DGKB: variants seen among roughly 807,000 people sequenced by gnomAD.
DGKB encodes 90 kDa diacylglycerol kinase.
In DGKB, 67 loss-of-function variants were observed where a neutral mutation model predicts 114.3. That is an observed-to-expected ratio of 0.59 (90% CI 0.48 to 0.72). The LOEUF (loss-of-function observed/expected upper bound fraction) is 0.72. DGKB is among the 30% of genes least tolerant of loss of function. The probability of loss-of-function intolerance (pLI) is 0.00; values close to 1 mark genes in which losing one functional copy is unlikely to be tolerated. For synonymous variants in DGKB, 398 were observed against 323.1 expected (o/e 1.23, Z -2.49); for missense variants, 907 against 975.2 (o/e 0.93, Z 0.93).
In DGKB at chr7:14,943,637, A is replaced by AACACACACACACACACACACAC. The variant is rs563726736; in HGVS notation, c.-188+31058_-188+31059insGTGTGTGTGTGTGTGTGTGTGT. On this transcript the variant is annotated intron_variant, in intron 1 of 4. Coordinates refer to the DGKB transcript ENST00000437998. ...TTTGTAATAACCAGTTTTGAAGTGA[A>AACACACACACACACACACACAC]ACACACACACACATATATATATCTC... 1.8e-3 allele frequency among the ~76,000 whole-genome samples: 272 copies of AACACACACACACACACACACAC among 151,574 alleles called. 5 individuals are homozygous for AACACACACACACACACACACAC. The highest frequency in any genetic ancestry group is 0.013 in the Admixed American group (191 of 15,104).
At chr7:14,227,362 A>G (rs1790967176) in intron 23 of DGKB, among the ~76,000 whole-genome samples, 1 of 152,096 alleles carries the variant, frequency 6.6e-6, no homozygotes, top group Non-Finnish European at 1.5e-5. Flanking sequence ...ATAGTGGCTA[A>G]TGTTTGAATT....
At chr7:14,452,754 T>C (rs991551946) in intron 21 of DGKB, among the ~76,000 whole-genome samples, 3 of 152,106 alleles carry the variant, frequency 2.0e-5, no homozygotes, top group Admixed American at 1.3e-4. Context: ...CAGAAATACC[T>C]TCTGAGAAAT....
chr7:14,880,309 T>G (rs1038962923), intron 1 of DGKB, among the ~76,000 whole-genome samples: 26 of 152,084 alleles, frequency 1.7e-4, no homozygotes, highest in Non-Finnish European at 3.5e-4. Flanking sequence ...AATACAAAAA[T>G]TAGCCAGGTA....
chr7:14,473,336 T>C (rs1469437051), intron 21 of DGKB, among the ~76,000 whole-genome samples: 3 of 152,110 alleles, frequency 2.0e-5, no homozygotes, highest in Non-Finnish European at 2.9e-5. Context: ...AGCTCCCACA[T>C]GGTGTTGAGC....
At chr7:14,408,699 C>A (rs1311318889) in intron 21 of DGKB, among the ~76,000 whole-genome samples, 1 of 151,904 alleles carries the variant, frequency 6.6e-6, no homozygotes, top group Admixed American at 6.6e-5. Context: ...ATAATGAATC[C>A]AAGCTTTAAA....
intron 21 of DGKB, among the ~76,000 whole-genome samples, chr7:14,466,254 C>G (rs765257080): frequency 2.5e-4 from 38 of 152,190 alleles, no homozygotes; most frequent in Admixed American, 1.2e-3. Flanking sequence ...AGCTTTGGAC[C>G]ATACTTAAAA....
At chr7:14,862,416 T>C (rs888839565) in intron 1 of DGKB, among the ~76,000 whole-genome samples, 1 of 152,108 alleles carries the variant, frequency 6.6e-6, no homozygotes, top group African/African-American at 2.4e-5. Flanking sequence ...GATTTTTAAG[T>C]GTTCTCTATA....
chr7:14,324,423 G>C (rs1467237636), intron 23 of DGKB, among the ~76,000 whole-genome samples: 1 of 148,582 alleles, frequency 6.7e-6, no homozygotes. Flanking sequence ...CTCCAGCCTG[G>C]GTGACAGAGT....
chr7:14,511,098 T>C (rs1177182240), intron 20 of DGKB, among the ~76,000 whole-genome samples: 2 of 152,208 alleles, frequency 1.3e-5, no homozygotes, highest in Non-Finnish European at 2.9e-5. Flanking sequence ...ACTGGCTTCA[T>C]CTTAAAGTCA....
At position 14,343,156 on chromosome 7, in the gene DGKB, T is replaced by TCC. The variant is rs1043589397; in HGVS notation, c.1926+2143_1926+2144dup. Among the ~76,000 whole-genome samples the TCC allele has an allele frequency of 1.1e-3, 39 of 36,434 alleles. 1 individual carries two copies. The highest frequency in any genetic ancestry group is 1.7e-3 in the Admixed American group (7 of 4,160). The allele number at this position is 36,434 out of a possible 152,430, so 23.9% of individuals were successfully genotyped here. On this transcript the variant is annotated intron_variant, in intron 22 of 25. Coordinates refer to ENST00000402815, the MANE Select transcript of DGKB (RefSeq NM_001350709.2). ...CAGAGAAGCAGATTTTGCCTAGCTA[T>TCC]CCACACACACACACACACACACACA...
At chr7:14,904,699 AG>A (rs1260411744), upstream of DGKB, among the ~76,000 whole-genome samples, 2 of 152,208 alleles carry the variant, frequency 1.3e-5, no homozygotes, top group Non-Finnish European at 2.9e-5. Flanking sequence ...AATAGCATCC[AG>A]AATTTTTTAA....
intron 24 of DGKB, 114 bp downstream of exon 24, chr7:14,177,917 C>G (rs1280635491): frequency 1.8e-6 from 2 of 1,108,646 alleles, no homozygotes; most frequent in Non-Finnish European, 2.5e-6. Flanking sequence ...GTATTAATAA[C>G]TGATTATTTG....
At chr7:14,621,216 G>A (rs1048029454) in intron 15 of DGKB, 162 bp downstream of exon 15, 4 of 549,284 alleles carry the variant, frequency 7.3e-6, no homozygotes, top group East Asian at 3.2e-5. Context: ...TCAATCAACC[G>A]TAAGACTGAC....
chr7:14,655,388 A>T (rs1291859918), intron 13 of DGKB, among the ~76,000 whole-genome samples: 6 of 151,882 alleles, frequency 4.0e-5, no homozygotes, highest in Non-Finnish European at 5.9e-5. Context: ...AAAAAATAAG[A>T]AATACTGGCT....
chr7:14,808,491 GAA>G (rs1843024343), intron 2 of DGKB, among the ~76,000 whole-genome samples: 1 of 151,838 alleles, frequency 6.6e-6, no homozygotes, highest in East Asian at 1.9e-4. Flanking sequence ...AGATTAACTA[GAA>G]AAAAAGAGAG....
intron 23 of DGKB, among the ~76,000 whole-genome samples, chr7:14,255,840 C>T (rs1206327448): frequency 1.3e-5 from 2 of 151,806 alleles, no homozygotes; most frequent in African/African-American, 2.4e-5. Context: ...GTTCTGTAAA[C>T]TGCAATCAGG....
At chr7:14,783,181 A>G (rs1362521219) in intron 2 of DGKB, among the ~76,000 whole-genome samples, 1 of 152,186 alleles carries the variant, frequency 6.6e-6, no homozygotes, top group Admixed American at 6.5e-5. Context: ...ATTAAATATT[A>G]CTTGAAATAA....
chr7:14,762,768 A>T (rs1369908008), intron 2 of DGKB, among the ~76,000 whole-genome samples: 1 of 152,122 alleles, frequency 6.6e-6, no homozygotes, highest in Non-Finnish European at 1.5e-5. Flanking sequence ...TTTAGATTTG[A>T]ATCTTGGCTC....
intron 20 of DGKB, among the ~76,000 whole-genome samples, chr7:14,537,265 T>C (rs1463363223): frequency 6.6e-6 from 1 of 152,112 alleles, no homozygotes; most frequent in Non-Finnish European, 1.5e-5. Flanking sequence ...ATATATTCAG[T>C]GCAATCCCTA....
Sources: allele counts gnomAD v4.1 joint callset (sites outside exome capture counted in the v4.1 genomes callset), GRCh38; gene constraint gnomAD v4.1.1; transcripts MANE v1.5; gene names NCBI Gene and HGNC (gene_info 2026-07-23, HGNC 2026-07-21).